Variants in ATP9B observed in about 807,000 individuals in gnomAD.
The protein encoded by ATP9B is ATPase phospholipid transporting 9B.
In ATP9B, 110 loss-of-function variants were observed where a neutral mutation model predicts 146.1. The ratio of observed to expected loss-of-function variants is 0.75; its 90% CI spans 0.65 to 0.88. The LOEUF (loss-of-function observed/expected upper bound fraction) is 0.88. ATP9B is among the 40% of genes least tolerant of loss of function. ATP9B has a pLI of 0.00. For synonymous variants in ATP9B, 604 were observed against 569.7 expected (o/e 1.06, Z -0.86); for missense variants, 1,499 against 1,496.4 (o/e 1.00, Z -0.03).
intron 7 of ATP9B, among the ~76,000 whole-genome samples, chr18:79,160,910 T>C (rs2094869680): frequency 6.6e-6 from 1 of 152,156 alleles, no homozygotes; most frequent in African/African-American, 2.4e-5. Flanking sequence ...TAGCTGGGAC[T>C]CCAGGCACGC....
intron 25 of ATP9B, among the ~76,000 whole-genome samples, chr18:79,355,904 A>G (rs1299401862): frequency 6.6e-6 from 1 of 152,174 alleles, no homozygotes; most frequent in Non-Finnish European, 1.5e-5. Context: ...ATGACTGGAA[A>G]CCCTGCAGGC....
intron 7 of ATP9B, among the ~76,000 whole-genome samples, chr18:79,172,775 A>G (rs2095098693): frequency 6.6e-6 from 1 of 152,276 alleles, no homozygotes; most frequent in Non-Finnish European, 1.5e-5. Context: ...ATTTTAAACC[A>G]TTCATCATTG....
At chr18:79,256,914 G>A (rs189641563) in intron 12 of ATP9B, among the ~76,000 whole-genome samples, 139 of 152,284 alleles carry the variant, frequency 9.1e-4, no homozygotes, top group Non-Finnish European at 1.5e-3. Flanking sequence ...TTTTAGCAGG[G>A]TAAATTTCAT....
At chr18:79,133,625 A>G (rs971827226) in intron 5 of ATP9B, among the ~76,000 whole-genome samples, 9 of 152,210 alleles carry the variant, frequency 5.9e-5, no homozygotes, top group African/African-American at 2.2e-4. Flanking sequence ...TCAAGTAGAT[A>G]CATAAACTCA....
chr18:79,335,692 C>T (rs2096820711), intron 17 of ATP9B, among the ~76,000 whole-genome samples: 1 of 152,184 alleles, frequency 6.6e-6, no homozygotes, highest in African/African-American at 2.4e-5. Context: ...GCCCTCCCCT[C>T]CATCACTAAC....
intron 6 of ATP9B, among the ~76,000 whole-genome samples, chr18:79,151,919 A>C (rs1033330606): frequency 1.3e-5 from 2 of 152,192 alleles, no homozygotes; most frequent in Non-Finnish European, 2.9e-5. Context: ...AAATTTTTGC[A>C]ATCTGTCCAT....
At chr18:79,180,753 TTTTG>T (rs1457334308) in intron 8 of ATP9B, among the ~76,000 whole-genome samples, 7 of 151,520 alleles carry the variant, frequency 4.6e-5, no homozygotes, top group Non-Finnish European at 8.8e-5. Flanking sequence ...GATTGTCAGT[TTTTG>T]TTTGTTTGAA....
chr18:79,092,669 CGG>C, intron 1 of ATP9B, among the ~76,000 whole-genome samples: 1 of 75,182 alleles, frequency 1.3e-5, no homozygotes, highest in African/African-American at 5.8e-5. Flanking sequence ...TGGTTAAAAA[CGG>C]AAACAAAAAC....
intron 8 of ATP9B, among the ~76,000 whole-genome samples, chr18:79,182,279 T>A (rs772505201): frequency 2.0e-5 from 3 of 152,228 alleles, no homozygotes; most frequent in Non-Finnish European, 2.9e-5. Context: ...TGGTTGGGGC[T>A]GGAGCTCCGT....
chr18:79,174,814 A>G (rs1284185757), intron 7 of ATP9B, among the ~76,000 whole-genome samples: 2 of 152,080 alleles, frequency 1.3e-5, no homozygotes, highest in Non-Finnish European at 2.9e-5. Flanking sequence ...ATGCTCCTGT[A>G]TAGTCCTGTT....
intron 8 of ATP9B, among the ~76,000 whole-genome samples, chr18:79,178,967 C>T (rs1264862975): frequency 1.3e-5 from 2 of 152,146 alleles, no homozygotes; most frequent in Non-Finnish European, 2.9e-5. Flanking sequence ...AACAAATTCA[C>T]TTTTGGAACT....
chr18:79,151,081 T>C (rs1035728058), intron 6 of ATP9B, among the ~76,000 whole-genome samples: 9 of 152,286 alleles, frequency 5.9e-5, no homozygotes, highest in Middle Eastern at 3.4e-3. Context: ...TTTGCAGAAA[T>C]TGACAGGCTG....
intron 26 of ATP9B, among the ~76,000 whole-genome samples, chr18:79,370,386 C>T (rs2097062236): frequency 6.6e-6 from 1 of 152,160 alleles, no homozygotes; most frequent in Non-Finnish European, 1.5e-5. Context: ...GTGTGCTAGG[C>T]AGGACTCCAC....
intron 9 of ATP9B, among the ~76,000 whole-genome samples, chr18:79,200,817 G>A (rs989846395): frequency 6.7e-6 from 1 of 149,762 alleles, no homozygotes. Context: ...ATAGACTTGG[G>A]TGGGGCCCTG....
intron 1 of ATP9B, among the ~76,000 whole-genome samples, chr18:79,088,508 A>G (rs1481064710): frequency 6.6e-6 from 1 of 152,176 alleles, no homozygotes; most frequent in African/African-American, 2.4e-5. Flanking sequence ...TGAAACTTGT[A>G]TGTTGTGAGG....
chr18:79,309,787 A>G (rs948906512), intron 15 of ATP9B, among the ~76,000 whole-genome samples: 3 of 152,216 alleles, frequency 2.0e-5, no homozygotes, highest in African/African-American at 7.2e-5. Flanking sequence ...GCTGAAATTA[A>G]TTCAATTGTA....
rs1555714763 is a variant in ATP9B, at chr18:79,157,405, A to AAAAAACAAAAC, written c.778+2855_778+2856insCAAAACAAAAA. 9.9e-4 allele frequency among the ~76,000 whole-genome samples: 123 copies of AAAAAACAAAAC among 124,682 alleles called. 1 individual carries two copies. Among genetic ancestry groups the AAAAAACAAAAC allele is most frequent in the African/African-American group, 2.5e-3 (88 of 34,792 alleles). The allele number at this position is 124,682 out of a possible 152,430, so 81.8% of individuals were successfully genotyped here. ...GAGTGAAACTCCATCTCAAAAAAAA[A>AAAAAACAAAAC]AAAAAAAAAAAAAAAAAAACATGTA... On this transcript the variant is annotated intron_variant, in intron 7 of 29. Coordinates refer to ENST00000426216, the MANE Select transcript of ATP9B (RefSeq NM_198531.5).
chr18:79,076,142 A>T (rs2072586622), intron 1 of ATP9B, among the ~76,000 whole-genome samples: 1 of 152,238 alleles, frequency 6.6e-6, no homozygotes, highest in African/African-American at 2.4e-5. Flanking sequence ...TTTCCCTTAT[A>T]TACAATTAGA....
chr18:79,329,986 CTCT>C (rs2096781532), intron 16 of ATP9B, 23 bp from the exon 17 acceptor site: 1 of 1,607,730 alleles, frequency 6.2e-7, no homozygotes, highest in African/African-American at 1.3e-5. Context: ...CTAAATGTGC[CTCT>C]GTTTATTTTT....
Sources: allele counts gnomAD v4.1 joint callset (sites outside exome capture counted in the v4.1 genomes callset), GRCh38; gene constraint gnomAD v4.1.1; transcripts MANE v1.5; gene names NCBI Gene and HGNC (gene_info 2026-07-23, HGNC 2026-07-21).